PLEKHD1: variants seen among roughly 807,000 people sequenced by gnomAD.
The protein encoded by PLEKHD1 is pleckstrin homology and coiled-coil domain containing D1, also known as pleckstrin homology domain-containing family D member 1.
PLEKHD1 carries 51 observed loss-of-function variants against 69.2 expected under a neutral mutation model. The ratio of observed to expected loss-of-function variants is 0.74; its 90% CI spans 0.59 to 0.93. The LOEUF is 0.93. PLEKHD1 is among the 40% of genes least tolerant of loss of function. PLEKHD1 has a pLI of 0.00. For synonymous variants in PLEKHD1, 236 were observed against 244.7 expected (o/e 0.96, Z 0.33); for missense variants, 584 against 641.0 (o/e 0.91, Z 0.96).
the PLEKHD1 span, among the ~76,000 whole-genome samples, chr14:69,476,904 G>A: frequency 6.6e-6 from 1 of 152,226 alleles, no homozygotes; most frequent in South Asian, 2.1e-4. Context: ...TGCGGCTGGG[G>A]AAGCCTCACA....
At chr14:69,477,651 G>A in the PLEKHD1 span, among the ~76,000 whole-genome samples, 2 of 152,200 alleles carry the variant, frequency 1.3e-5, no homozygotes, top group African/African-American at 4.8e-5. Context: ...AAAACAAAGT[G>A]GCTACAGGCC....
At chr14:69,473,902 T>C in the PLEKHD1 span, among the ~76,000 whole-genome samples, 1 of 152,198 alleles carries the variant, frequency 6.6e-6, no homozygotes, top group African/African-American at 2.4e-5. Context: ...ACTCCTGAAC[T>C]CTTGTTTCCT....
intron 1 of PLEKHD1, among the ~76,000 whole-genome samples, chr14:69,491,983 T>A (rs1882786053): frequency 6.6e-6 from 1 of 152,166 alleles, no homozygotes; most frequent in South Asian, 2.1e-4. Flanking sequence ...TGGACTTCCC[T>A]ATGGCTAAAA....
intron 6 of PLEKHD1, among the ~76,000 whole-genome samples, chr14:69,514,592 C>T (rs1468659160): frequency 6.6e-6 from 1 of 151,574 alleles, no homozygotes; most frequent in Admixed American, 6.6e-5. Flanking sequence ...CTTGCTCTAT[C>T]TCTTCAAATT....
At chr14:69,525,307 G>C (rs924179070) in intron 8 of PLEKHD1, among the ~76,000 whole-genome samples, 1 of 152,118 alleles carries the variant, frequency 6.6e-6, no homozygotes, top group African/African-American at 2.4e-5. Flanking sequence ...AAGGTTTCTT[G>C]TCTCCCTTGA....
Position 69,527,926 on chromosome 14 carries a change from A to G in PLEKHD1, c.1345A>G (p.Asn449Asp). 1 of 1,551,540 alleles carries G rather than the reference A, an allele frequency of 6.4e-7. No individual in the cohort carries two copies. Among genetic ancestry groups the G allele is most frequent in the Non-Finnish European group, 8.7e-7 (1 of 1,147,000 alleles). Residue 449 changes from asparagine (N) to aspartate (D), a missense_variant, in exon 12 of 13, where the codon AAT becomes GAT. Coordinates refer to ENST00000322564, the MANE Select transcript of PLEKHD1 (RefSeq NM_001161498.2). Reference sequence around the variant, plus strand: ...CCGACGCCGGTCCAGCACCTCCTGGAATGACAGTGAGTGTGGCTGTCTGCG... The same window carrying G: ...CCGACGCCGGTCCAGCACCTCCTGGGATGACAGTGAGTGTGGCTGTCTGCG... ...FHRRRSSTSW[N>D]DMKPSQSFMT...
intron 6 of PLEKHD1, among the ~76,000 whole-genome samples, chr14:69,512,318 A>G (rs1355819718): frequency 2.6e-5 from 4 of 151,752 alleles, no homozygotes; most frequent in Non-Finnish European, 5.9e-5. Flanking sequence ...TATGAATTTT[A>G]TTTATCTTTT....
At position 69,489,583 on chromosome 14, in the gene PLEKHD1, G is replaced by GA. The variant is rs1024826106; in HGVS notation, c.149+4478dup. On this transcript the variant is annotated intron_variant, in intron 1 of 12. Transcript: ENST00000322564. ...CAAAAAAAAAAAAAAAAAAAAAAAG[G>GA]AAAAAAAAAGAAAGTGAATCTAAGC... 2.9e-3 allele frequency among the ~76,000 whole-genome samples: 322 copies of GA among 111,304 alleles called. 2 individuals carry two copies. The highest frequency in any genetic ancestry group is 7.5e-3 in the African/African-American group (231 of 30,788). 73.0% of individuals were successfully genotyped at this position (111,304 alleles called of 152,430 possible).
At chr14:69,526,983 A>G (rs1883666507) in intron 10 of PLEKHD1, among the ~76,000 whole-genome samples, 154 bp downstream of exon 10, 1 of 152,204 alleles carries the variant, frequency 6.6e-6, no homozygotes, top group Admixed American at 6.5e-5. Context: ...GGGAAGCAGC[A>G]AGTCTGCTGC....
chr14:69,485,373 T>C lies in PLEKHD1; in HGVS notation c.149+259T>C, dbSNP rs1882633848. Among the ~76,000 whole-genome samples, 3 of 152,174 alleles carry C rather than the reference T, an allele frequency of 2.0e-5. No individual in the cohort carries two copies. In the South Asian group the frequency reaches 6.2e-4, roughly 32 times the overall value. ...GACCCTCGAGTGGGAATGTTGGGTGTGGGCAGAAGAGACCGTGGTCGGGGT... is the reference window on the plus strand; with the variant it reads ...GACCCTCGAGTGGGAATGTTGGGTGCGGGCAGAAGAGACCGTGGTCGGGGT... On this transcript the variant is annotated intron_variant, in intron 1 of 12. Coordinates refer to ENST00000322564, the MANE Select transcript of PLEKHD1 (RefSeq NM_001161498.2).
intron 4 of PLEKHD1, chr14:69,501,329 T>C (rs999097872): frequency 1.4e-5 from 5 of 352,126 alleles, no homozygotes; most frequent in African/African-American, 1.0e-4. Context: ...TCCATTTTTA[T>C]GTAAACCACT....
intron 6 of PLEKHD1, among the ~76,000 whole-genome samples, chr14:69,505,321 TTTC>T (rs1566560003): frequency 6.6e-6 from 1 of 152,214 alleles, no homozygotes; most frequent in Admixed American, 6.5e-5. Context: ...TCAGTCAAAG[TTTC>T]TTCTTCCTTA....
intron 1 of PLEKHD1, among the ~76,000 whole-genome samples, chr14:69,493,925 G>A (rs938166994): frequency 1.3e-5 from 2 of 152,116 alleles, no homozygotes; most frequent in Non-Finnish European, 2.9e-5. Context: ...AGGAGGGATG[G>A]GCTTCACACG....
the PLEKHD1 span, among the ~76,000 whole-genome samples, chr14:69,468,894 T>G: frequency 1.3e-5 from 2 of 152,216 alleles, no homozygotes; most frequent in African/African-American, 4.8e-5. Flanking sequence ...CAATCACCAT[T>G]TATTTCTATA....
At chr14:69,472,955 T>G in the PLEKHD1 span, among the ~76,000 whole-genome samples, 1 of 152,168 alleles carries the variant, frequency 6.6e-6, no homozygotes, top group African/African-American at 2.4e-5. Context: ...TACTGTGAAC[T>G]GCACACACAG....
chr14:69,510,922 A>G (rs542893933), intron 6 of PLEKHD1, among the ~76,000 whole-genome samples: 1 of 152,274 alleles, frequency 6.6e-6, no homozygotes, highest in African/African-American at 2.4e-5. Context: ...CACATTGAGG[A>G]AGTTCCTCTC....
At chr14:69,487,221 A>C (rs1305386401) in intron 1 of PLEKHD1, among the ~76,000 whole-genome samples, 1 of 149,524 alleles carries the variant, frequency 6.7e-6, no homozygotes, top group East Asian at 2.0e-4. Flanking sequence ...ACACACACAC[A>C]CACGCTATTT....
chr14:69,497,433 C>A (rs1480101607), intron 1 of PLEKHD1, among the ~76,000 whole-genome samples: 1 of 152,250 alleles, frequency 6.6e-6, no homozygotes, highest in Non-Finnish European at 1.5e-5. Flanking sequence ...GGGCAAGATG[C>A]ATACATGGGA....
At chr14:69,505,464 G>T (rs530118339) in intron 6 of PLEKHD1, among the ~76,000 whole-genome samples, 4 of 152,314 alleles carry the variant, frequency 2.6e-5, no homozygotes, top group African/African-American at 4.8e-5. Flanking sequence ...TAAGATGAAG[G>T]TTCTTCTGCT....
Sources: allele counts gnomAD v4.1 joint callset (sites outside exome capture counted in the v4.1 genomes callset), GRCh38; gene constraint gnomAD v4.1.1; transcripts MANE v1.5; gene names NCBI Gene and HGNC (gene_info 2026-07-23, HGNC 2026-07-21).